Variants in ONECUT2 observed in about 807,000 individuals in gnomAD.
ONECUT2 encodes the protein one cut domain family member 2.
A neutral mutation model predicts 27.9 loss-of-function variants in ONECUT2; 10 were observed. The ratio of observed to expected loss-of-function variants is 0.36; its 90% CI spans 0.22 to 0.61. The LOEUF is 0.61. ONECUT2 is among the 20% of genes least tolerant of loss of function. The pLI, the probability that ONECUT2 is intolerant of heterozygous loss-of-function variation, is 0.73. For missense variants in ONECUT2, 686 were observed against 721.0 expected, an observed-to-expected ratio of 0.95 and a Z score of 0.56; for synonymous variants, 334 against 315.1, an observed-to-expected ratio of 1.06 and a Z score of -0.64.
At chr18:57,473,180 G>T (rs2050363408) in intron 1 of ONECUT2, among the ~76,000 whole-genome samples, 2 of 152,276 alleles carry the variant, frequency 1.3e-5, no homozygotes, top group Non-Finnish European at 2.9e-5. Flanking sequence ...AGGCTGCCCT[G>T]CAAAGAGGGC....
intron 1 of ONECUT2, among the ~76,000 whole-genome samples, chr18:57,450,246 T>A (rs1481203805): frequency 6.6e-6 from 1 of 152,220 alleles, no homozygotes; most frequent in Non-Finnish European, 1.5e-5. Context: ...CGATCTCGGC[T>A]AACTGCAACA....
rs1160286376 is a variant in ONECUT2, at chr18:57,489,399, CA to C, written c.*12677del. ...TGTGCTTTGCTCCCATCTCAGGGGG[CA>C]GGGGCAGTGCACATTGCCTATGCTG... On this transcript the variant is annotated 3_prime_UTR_variant, in exon 2 of 2. Coordinates refer to ENST00000491143, the MANE Select transcript of ONECUT2 (RefSeq NM_004852.3). 1 of 152,176 alleles carries C rather than the reference CA, an allele frequency of 6.6e-6. No individual in the cohort carries two copies. The highest frequency in any genetic ancestry group is 2.4e-5 in the African/African-American group (1 of 41,456). 9.4% of individuals were successfully genotyped at this position (152,176 alleles called of 1,614,324 possible).
At position 57,480,901 on chromosome 18, in the gene ONECUT2, C is replaced by T. The variant is rs2050412391; in HGVS notation, c.*4178C>T. Reference sequence around the variant, plus strand: ...GTGGTTATAGTTTAGTATCCATTACCTCAATCCAAGGAAAATTCCAGGCAT... The same window carrying T: ...GTGGTTATAGTTTAGTATCCATTACTTCAATCCAAGGAAAATTCCAGGCAT... On this transcript the variant is annotated 3_prime_UTR_variant, in exon 2 of 2. Transcript: ENST00000491143. 6.6e-6 allele frequency: 1 copy of T among 152,042 alleles called. No individual in the cohort carries two copies. Among genetic ancestry groups the T allele is most frequent in the Non-Finnish European group, 1.5e-5 (1 of 68,006 alleles). 9.4% of individuals were successfully genotyped at this position (152,042 alleles called of 1,614,324 possible). A position where few individuals can be genotyped will look rare whatever the true frequency, so the allele number is the denominator to read the frequency against.
rs143790020 is a variant in ONECUT2, at chr18:57,440,355, C to T, written c.1228+3411C>T. ...CAGGCTAGAACTTGCACGGGCATCC[C>T]ACTGAGGAAAAGCGAGGCCTCGGTG... On this transcript the variant is annotated intron_variant, in intron 1 of 1. Transcript: ENST00000491143. 7.0e-3 allele frequency among the ~76,000 whole-genome samples: 1,067 copies of T among 152,318 alleles called. 15 individuals are homozygous for T. The highest frequency in any genetic ancestry group is 0.024 in the African/African-American group (1,003 of 41,560).
Position 57,469,138 on chromosome 18 carries a change from C to A in ONECUT2, c.1229-7299C>A, listed in dbSNP as rs531509427. Among the ~76,000 whole-genome samples, 3 of 152,344 alleles carry A rather than the reference C, an allele frequency of 2.0e-5. No individual in the cohort carries two copies. The East Asian group carries it at 5.8e-4, about 29-fold the overall frequency. On this transcript the variant is annotated intron_variant, in intron 1 of 1. Coordinates refer to ENST00000491143, the MANE Select transcript of ONECUT2 (RefSeq NM_004852.3). ...TGACTGCCTTAGTTAATCTTTCCAA[C>A]AGAACTGCAGGCCCTATGTCCTCCC...
Position 57,436,344 on chromosome 18 carries a change from C to G in ONECUT2, c.628C>G (p.Leu210Val). Residue 210 changes from leucine to valine, a missense_variant, in exon 1 of 2, where the codon CTC (leucine) becomes GTC (valine). Physicochemically the swap from Leu to Val is conservative, Grantham distance 32 (BLOSUM62 1). This residue lies in a region of ONECUT2 where 511 missense variants were observed against 488.1 expected (regional missense o/e 1.05). Transcript: ENST00000491143. This position sits in a 1 kb window ranked among gnomAD's most constrained non-coding sequence, Gnocchi z 5.9. ...GCGCGGGCTCCCGGCCATGAACAAC[C>G]TCTACAGTCCCTACAAGGAGATGCC... ...DERGLPAMNN[L>V]YSPYKEMPGM... is the part of the protein sequence containing the mutation. 6.2e-7 allele frequency: 1 copy of G among 1,605,952 alleles called. No homozygotes were observed. Among genetic ancestry groups the G allele is most frequent in the Non-Finnish European group, 8.5e-7 (1 of 1,179,840 alleles).
chr18:57,448,345 T>C (rs2050212217), intron 1 of ONECUT2, among the ~76,000 whole-genome samples: 1 of 152,178 alleles, frequency 6.6e-6, no homozygotes, highest in Non-Finnish European at 1.5e-5. Flanking sequence ...TGACAATTTA[T>C]CTTCAAGTTC....
At chr18:57,467,368 G>T (rs573573) in intron 1 of ONECUT2, 312,547 of 325,372 alleles carry the variant, frequency 0.96, 150,603 homozygotes, top group East Asian at 0.99. Flanking sequence ...TTGTTTGTTT[G>T]TTTGTTTTTT....
intron 1 of ONECUT2, among the ~76,000 whole-genome samples, chr18:57,470,816 G>C (rs568724199): frequency 6.6e-6 from 1 of 151,862 alleles, no homozygotes; most frequent in Admixed American, 6.6e-5. Flanking sequence ...ACCGAGGTCA[G>C]TCTACCCTCT....
chr18:57,464,616 T>TTGTTCAATA (rs2050310613), intron 1 of ONECUT2, among the ~76,000 whole-genome samples: 1 of 152,262 alleles, frequency 6.6e-6, no homozygotes, highest in East Asian at 1.9e-4. Flanking sequence ...TTGTTCAAAC[T>TTGTTCAATA]ATATTATTCA....
intron 1 of ONECUT2, among the ~76,000 whole-genome samples, chr18:57,466,305 C>T (rs1029230790): frequency 5.3e-5 from 8 of 152,266 alleles, no homozygotes; most frequent in African/African-American, 1.7e-4. Context: ...GTTCCATTGG[C>T]CTTGGCCTTG....
In ONECUT2 at chr18:57,476,822, C is replaced by T; in HGVS notation, c.*99C>T. The stretch of plus-strand genomic sequence containing the variant: ...AGACACCGGATTCCTAGCTGGGGCC[C>T]TTCACTGGTGATTTGAAAGCACAAT... On this transcript the variant is annotated 3_prime_UTR_variant, in exon 2 of 2. Transcript: ENST00000491143. The T allele has an allele frequency of 7.7e-7, 1 of 1,306,376 alleles. No homozygotes were observed. Among genetic ancestry groups the T allele is most frequent in the South Asian group, 1.5e-5 (1 of 66,904 alleles). The allele number at this position is 1,306,376 out of a possible 1,614,324, so 80.9% of individuals were successfully genotyped here.
intron 1 of ONECUT2, among the ~76,000 whole-genome samples, chr18:57,440,059 G>A (rs1426740642): frequency 6.6e-6 from 1 of 152,226 alleles, no homozygotes; most frequent in Non-Finnish European, 1.5e-5. Flanking sequence ...AAACTTCGGA[G>A]AAATTTAGAT....
At position 57,480,348 on chromosome 18, in the gene ONECUT2, A is replaced by G. The variant is rs1196899235; in HGVS notation, c.*3625A>G. On this transcript the variant is annotated 3_prime_UTR_variant, in exon 2 of 2. Coordinates refer to ENST00000491143, the MANE Select transcript of ONECUT2 (RefSeq NM_004852.3). ...ATTTCAACTTGGGTATTTCTAAAAG[A>G]GTCCTTGTGACATGTGTCCAGTGGA... The G allele has an allele frequency of 6.6e-6, 1 of 152,202 alleles. No individual in the cohort carries two copies. Among genetic ancestry groups the G allele is most frequent in the Non-Finnish European group, 1.5e-5 (1 of 68,036 alleles). 9.4% of individuals were successfully genotyped at this position (152,202 alleles called of 1,614,324 possible).
rs1251933392 is a variant in ONECUT2, at chr18:57,435,938, C to T, written c.222C>T (p.Ala74=). 8.3e-7 allele frequency: 1 copy of T among 1,210,480 alleles called. No individual in the cohort carries two copies. The highest frequency in any genetic ancestry group is 1.0e-6 in the Non-Finnish European group (1 of 976,658). The allele number at this position is 1,210,480 out of a possible 1,614,324, so 75.0% of individuals were successfully genotyped here. ...SPSPHHAGRG[A]AGSLRGPPPP... ...GCCCCCACCACGCGGGCCGCGGCGC[C>T]GCTGGCTCGCTGCGGGGCCCTCCGC... is the stretch of plus-strand genomic sequence containing the variant. Residue 74 remains alanine, a synonymous_variant, in exon 1 of 2, where the codon GCC becomes GCT. Coordinates refer to ENST00000491143, the MANE Select transcript of ONECUT2 (RefSeq NM_004852.3).
At chr18:57,441,958 C>T (rs1242407504) in intron 1 of ONECUT2, among the ~76,000 whole-genome samples, 1 of 152,190 alleles carries the variant, frequency 6.6e-6, no homozygotes, top group Non-Finnish European at 1.5e-5. Flanking sequence ...ACTGGGGAAC[C>T]CCTGCCCCAC....
chr18:57,436,145 C>T lies in ONECUT2; in HGVS notation c.429C>T (p.Gly143=). ...MSCDSSPPGM[G]MSNTYTTLTP... ...GCGACTCGTCTCCGCCTGGCATGGG[C>T]ATGAGCAACACCTACACCACGCTGA... Residue 143 remains glycine, a synonymous_variant, in exon 1 of 2, where the codon GGC becomes GGT. Coordinates refer to ENST00000491143, the MANE Select transcript of ONECUT2 (RefSeq NM_004852.3). The surrounding 1 kb of genome is among the most constrained non-coding windows in gnomAD (Gnocchi z 5.9). 6.2e-7 allele frequency: 1 copy of T among 1,605,104 alleles called. No individual in the cohort carries two copies. The highest frequency in any genetic ancestry group is 8.5e-7 in the Non-Finnish European group (1 of 1,179,850).
rs2050460080 is a variant in ONECUT2 at position 57,490,494 on chromosome 18, A to G, written c.*13771A>G. The G allele has an allele frequency of 1.3e-5, 2 of 152,226 alleles. No homozygotes were observed. The highest frequency in any genetic ancestry group is 4.8e-5 in the African/African-American group (2 of 41,446). 9.4% of individuals were successfully genotyped at this position (152,226 alleles called of 1,614,324 possible). ...AGAAAGGAGGAGGTAAAGAGAGAAG[A>G]ATTTGTCCCAGATCTGTTTAAAGTT... is the stretch of plus-strand genomic sequence containing the variant. On this transcript the variant is annotated 3_prime_UTR_variant, in exon 2 of 2. Transcript: ENST00000491143.
chr18:57,449,171 T>C (rs2050216327), intron 1 of ONECUT2, among the ~76,000 whole-genome samples: 1 of 152,226 alleles, frequency 6.6e-6, no homozygotes, highest in Non-Finnish European at 1.5e-5. Context: ...TTCTCTGTCC[T>C]CCTAAATTGG....
Sources: gnomAD v4.1 joint callset for allele counts (sites outside exome capture counted in the v4.1 genomes callset) on GRCh38, gnomAD v4.1.1 for gene constraint, gnomAD v4.1.1 regional missense constraint, Gnocchi (gnomAD v3.1) non-coding constraint, MANE v1.5 for transcripts, NCBI Gene and HGNC (gene_info 2026-07-23, HGNC 2026-07-21) for gene names.